The following MICU2 variants were observed in gnomAD, a reference collection of about 807,000 sequenced individuals.
MICU2 encodes calcium uptake protein 2, mitochondrial.
MICU2 carries 64 observed loss-of-function variants against 60.4 expected under a neutral mutation model. The ratio of observed to expected loss-of-function variants is 1.06; its 90% CI spans 0.87 to 1.31. The LOEUF (loss-of-function observed/expected upper bound fraction) is 1.31, where lower values mean the gene tolerates loss of function less well. MICU2 is among the 50% of genes most tolerant of loss of function. The probability of loss-of-function intolerance (pLI) is 0.00; values close to 1 mark genes in which losing one functional copy is unlikely to be tolerated. For synonymous variants in MICU2, 201 were observed against 175.0 expected (o/e 1.15, Z -1.17); for missense variants, 569 against 531.0 (o/e 1.07, Z -0.70).
intron 1 of MICU2, among the ~76,000 whole-genome samples, chr13:21,603,264 G>A (rs1204093777): frequency 1.3e-5 from 2 of 152,166 alleles, no homozygotes; most frequent in African/African-American, 4.8e-5. Flanking sequence ...GTGCCACCGC[G>A]CCCGGCGGAC....
At chr13:21,493,413 A>G in intron 11 of MICU2, 60 bp from the exon 12 acceptor site, 10 of 1,204,082 alleles carry the variant, frequency 8.3e-6, no homozygotes, top group Non-Finnish European at 8.3e-6. Context: ...ATGATTTCAT[A>G]TATACTTTAC....
intron 2 of MICU2, among the ~76,000 whole-genome samples, chr13:21,544,792 T>A (rs1887376912): frequency 6.6e-6 from 1 of 152,124 alleles, no homozygotes; most frequent in African/African-American, 2.4e-5. Context: ...GCTGGGACTA[T>A]GGATATGCAC....
chr13:21,574,711 C>G (rs1479137556), intron 1 of MICU2, among the ~76,000 whole-genome samples: 1 of 151,884 alleles, frequency 6.6e-6, no homozygotes, highest in African/African-American at 2.4e-5. Context: ...ATAGTGAGAC[C>G]TATTCATTTG....
intron 1 of MICU2, among the ~76,000 whole-genome samples, chr13:21,603,098 CCA>C (rs1192420861): frequency 5.3e-5 from 8 of 151,864 alleles, no homozygotes; most frequent in Non-Finnish European, 8.8e-5. Context: ...CCTCCCGCCA[CCA>C]CACCCAGCTA....
chr13:21,559,516 GTTTC>G (rs1887788070), intron 2 of MICU2, among the ~76,000 whole-genome samples: 1 of 146,826 alleles, frequency 6.8e-6, no homozygotes, highest in Non-Finnish European at 1.5e-5. Context: ...CAAAGTAGGA[GTTTC>G]TTTCTTTTCT....
chr13:21,499,732 T>G (rs973425441), intron 9 of MICU2, among the ~76,000 whole-genome samples: 10 of 151,236 alleles, frequency 6.6e-5, no homozygotes, highest in Non-Finnish European at 1.5e-5. Context: ...TCTGTACATC[T>G]ATCAGAGGCA....
rs1307051591 is a variant in MICU2 at position 21,604,085 on chromosome 13, G to GC, written c.63dup (p.Leu22AlafsTer53). On this transcript the variant is annotated frameshift_variant, in exon 1 of 12. Transcript: ENST00000382374. LOFTEE classifies it high-confidence loss of function. ...CGCACAGCCTGTCGGCTGACAGCGA[G>GC]CCCCCGTCGCAGTTTTCCGCCCCAG... 6.3e-7 allele frequency: 1 copy of GC among 1,595,988 alleles called. No individual in the cohort carries two copies. The highest frequency in any genetic ancestry group is 1.4e-5 in the African/African-American group (1 of 73,654).
intron 2 of MICU2, among the ~76,000 whole-genome samples, chr13:21,544,256 A>C (rs1055777129): frequency 6.6e-6 from 1 of 152,170 alleles, no homozygotes; most frequent in African/African-American, 2.4e-5. Context: ...TTGGGAAATG[A>C]TTTTATGAAT....
At chr13:21,553,349 G>C (rs1407057329) in intron 2 of MICU2, among the ~76,000 whole-genome samples, 1 of 152,166 alleles carries the variant, frequency 6.6e-6, no homozygotes, top group Admixed American at 6.6e-5. Context: ...GGGTTTTCCA[G>C]ATATACAATC....
chr13:21,559,105 G>A (rs1177218296), intron 2 of MICU2, among the ~76,000 whole-genome samples: 1 of 152,124 alleles, frequency 6.6e-6, no homozygotes, highest in Admixed American at 6.5e-5. Context: ...TTAAACAGAT[G>A]TTCTTTAATG....
At chr13:21,505,020 G>GC (rs1291717115) in intron 8 of MICU2, among the ~76,000 whole-genome samples, 3 of 152,082 alleles carry the variant, frequency 2.0e-5, no homozygotes, top group African/African-American at 7.2e-5. Context: ...AACAAACTCA[G>GC]CCCTAAAAAG....
rs1244031055 is a variant in MICU2 at position 21,566,888 on chromosome 13, G to A, written c.267C>T (p.Arg89=). 2 of 1,612,676 alleles carry A rather than the reference G, an allele frequency of 1.2e-6. No individual in the cohort carries two copies. Among genetic ancestry groups the A allele is most frequent in the Non-Finnish European group, 1.7e-6 (2 of 1,179,614 alleles). The change falls in exon 2 of 12, where the codon CGC becomes CGT. Residue 89 remains arginine (R), a synonymous_variant. Coordinates refer to ENST00000382374, the MANE Select transcript of MICU2 (RefSeq NM_152726.3). ...YIGKPSLRKQ[R]FMQFSSLEHE... ...GTTCGAGTGAAGAAAACTGCATGAAGCGCTGCTTACGAAGAGACGGTTTCC... is the reference window on the plus strand; with the variant it reads ...GTTCGAGTGAAGAAAACTGCATGAAACGCTGCTTACGAAGAGACGGTTTCC...
intron 1 of MICU2, among the ~76,000 whole-genome samples, chr13:21,600,699 G>C (rs1309272367): frequency 6.6e-6 from 1 of 152,122 alleles, no homozygotes. Flanking sequence ...GTCACAATGG[G>C]AACTAGAAAA....
chr13:21,529,981 A>C (rs1389656362), intron 4 of MICU2, among the ~76,000 whole-genome samples: 3 of 152,206 alleles, frequency 2.0e-5, no homozygotes, highest in Admixed American at 6.5e-5. Flanking sequence ...GTCTAAGTTA[A>C]GGGTGGCCAG....
chr13:21,522,466 A>G (rs1593324519), intron 5 of MICU2, 137 bp downstream of exon 5: 1 of 632,798 alleles, frequency 1.6e-6, no homozygotes, highest in East Asian at 3.0e-5. Flanking sequence ...ATCCAACATT[A>G]TCATTTTGCA....
rs1267410532 is a variant in MICU2, at chr13:21,514,368, AT to A, written c.647del (p.Asn216MetfsTer9). ...CTGTACATACCTGATATCCAGTTTCATTAGTTTTCACTGTCATCAAGTCATC... is the reference window on the plus strand; with the variant it reads ...CTGTACATACCTGATATCCAGTTTCATAGTTTTCACTGTCATCAAGTCATC... ...KQDDLMTVKT[N>X]ETGYQEAIVK... is the part of the protein sequence containing the mutation. On this transcript the variant is annotated frameshift_variant, in exon 7 of 12. Transcript: ENST00000382374. LOFTEE classifies it high-confidence loss of function. The A allele has an allele frequency of 6.2e-7, 1 of 1,612,472 alleles. No homozygotes were observed. The highest frequency in any genetic ancestry group is 1.7e-5 in the Admixed American group (1 of 59,870).
chr13:21,591,234 C>G (rs1888576348), intron 1 of MICU2, among the ~76,000 whole-genome samples: 1 of 151,688 alleles, frequency 6.6e-6, no homozygotes, highest in Non-Finnish European at 1.5e-5. Flanking sequence ...CAATCCTAGT[C>G]TCTGACAAAA....
chr13:21,537,636 A>AT (rs1317657492), intron 4 of MICU2, among the ~76,000 whole-genome samples: 1 of 151,688 alleles, frequency 6.6e-6, no homozygotes, highest in Admixed American at 6.6e-5. Context: ...TGCCTGGCTA[A>AT]TTTTTTGTGT....
At chr13:21,533,480 C>T (rs760036495) in intron 4 of MICU2, among the ~76,000 whole-genome samples, 6 of 151,908 alleles carry the variant, frequency 3.9e-5, no homozygotes, top group Admixed American at 2.0e-4. Context: ...CCGGCCACTG[C>T]GCCCGGCTGA....
Sources: allele counts gnomAD v4.1 joint callset (sites outside exome capture counted in the v4.1 genomes callset), GRCh38; gene constraint gnomAD v4.1.1; transcripts MANE v1.5; gene names NCBI Gene and HGNC (gene_info 2026-07-23, HGNC 2026-07-21).